The following DIAPH3 variants were observed in gnomAD, a reference collection of about 807,000 sequenced individuals.
DIAPH3 encodes diaphanous related formin 3, also known as protein diaphanous homolog 3.
A neutral mutation model predicts 144.3 loss-of-function variants in DIAPH3; 117 were observed. The observed-to-expected ratio is 0.81, with a 90% CI of 0.70 to 0.95. DIAPH3 has a LOEUF of 0.95. Ranked by LOEUF, DIAPH3 falls within the 40% of genes least tolerant of loss-of-function variation. DIAPH3 has a pLI of 0.00. For missense variants in DIAPH3, 1,421 were observed against 1,412.7 expected (o/e 1.01, Z -0.09); for synonymous variants, 519 against 488.9 (o/e 1.06, Z -0.81).
At chr13:60,024,003 G>A (rs1401819073) in intron 5 of DIAPH3, among the ~76,000 whole-genome samples, 3 of 151,610 alleles carry the variant, frequency 2.0e-5, no homozygotes, top group East Asian at 2.0e-4. Flanking sequence ...CTACAGGCAC[G>A]TGCCACCACG....
At chr13:59,823,642 C>G (rs2041202257) in intron 24 of DIAPH3, among the ~76,000 whole-genome samples, 1 of 152,130 alleles carries the variant, frequency 6.6e-6, no homozygotes, top group Admixed American at 6.6e-5. Context: ...TATAATGAGT[C>G]AATCTACAAG....
At chr13:60,158,026 G>T (rs1952111708) in intron 1 of DIAPH3, among the ~76,000 whole-genome samples, 2 of 152,158 alleles carry the variant, frequency 1.3e-5, no homozygotes, top group Admixed American at 1.3e-4. Flanking sequence ...ACAACTGTGG[G>T]CTTATATTCT....
At chr13:59,933,545 A>C (rs375265213) in intron 17 of DIAPH3, among the ~76,000 whole-genome samples, 2 of 152,158 alleles carry the variant, frequency 1.3e-5, no homozygotes, top group East Asian at 3.9e-4. Context: ...ATAACATGAA[A>C]CTCTGAATCA....
At chr13:59,720,984 A>AT (rs2035315202) in intron 27 of DIAPH3, among the ~76,000 whole-genome samples, 1 of 152,122 alleles carries the variant, frequency 6.6e-6, no homozygotes, top group Non-Finnish European at 1.5e-5. Context: ...AATTTCCATG[A>AT]TTTTTATTTT....
In DIAPH3 at chr13:59,832,947, C is replaced by T. The variant is rs748575196; in HGVS notation, c.3027+160G>A. On this transcript the variant is annotated intron_variant, in intron 24 of 27. Coordinates refer to ENST00000400324, the MANE Select transcript of DIAPH3 (RefSeq NM_001042517.2). ...TGGAAAGGCCAAAAGGAGAACAAAC[C>T]ATACATTTTTCAATAGATTTTTAAA... The T allele has an allele frequency of 2.5e-5, 17 of 672,884 alleles. No homozygotes were observed. The South Asian group carries it at 2.5e-4, about 10-fold the overall frequency. The allele number at this position is 672,884 out of a possible 1,614,324, so 41.7% of individuals were successfully genotyped here. A position where few individuals can be genotyped will look rare whatever the true frequency, so the allele number is the denominator to read the frequency against.
chr13:59,839,988 A>C (rs950038222), intron 22 of DIAPH3, among the ~76,000 whole-genome samples: 2 of 152,152 alleles, frequency 1.3e-5, no homozygotes, highest in African/African-American at 4.8e-5. Flanking sequence ...TGTGTTTATT[A>C]TCTAATAATA....
intron 1 of DIAPH3, among the ~76,000 whole-genome samples, chr13:60,153,719 G>C (rs866449031): frequency 3.9e-5 from 6 of 152,184 alleles, no homozygotes; most frequent in African/African-American, 1.4e-4. Flanking sequence ...TTGGATTGTA[G>C]ATGTAAATCT....
intron 24 of DIAPH3, among the ~76,000 whole-genome samples, chr13:59,831,752 T>C (rs1853133866): frequency 1.3e-5 from 2 of 152,034 alleles, no homozygotes; most frequent in African/African-American, 2.4e-5. Context: ...GGTCTCTTAG[T>C]AGCCAGTCAG....
intron 27 of DIAPH3, among the ~76,000 whole-genome samples, chr13:59,716,793 G>C (rs1407888008): frequency 6.6e-6 from 1 of 152,116 alleles, no homozygotes; most frequent in African/African-American, 2.4e-5. Context: ...GGGTGGGTCT[G>C]ACACAATTAC....
intron 25 of DIAPH3, among the ~76,000 whole-genome samples, chr13:59,789,318 C>T (rs1433082766): frequency 6.6e-6 from 1 of 152,092 alleles, no homozygotes; most frequent in Non-Finnish European, 1.5e-5. Context: ...CACTTGTCAC[C>T]CACAAGAGCT....
At chr13:59,979,486 C>G (rs2050866211) in intron 14 of DIAPH3, among the ~76,000 whole-genome samples, 2 of 151,506 alleles carry the variant, frequency 1.3e-5, no homozygotes, top group Non-Finnish European at 3.0e-5. Flanking sequence ...ATTTGTTTCC[C>G]CCACTAAACT....
intron 5 of DIAPH3, 77 bp downstream of exon 5, chr13:60,042,613 C>T: frequency 6.3e-7 from 1 of 1,577,924 alleles, no homozygotes; most frequent in Non-Finnish European, 8.7e-7. Context: ...GTTTACCAGG[C>T]AAAATGAAAA....
intron 4 of DIAPH3, among the ~76,000 whole-genome samples, chr13:60,060,442 CT>C (rs990719204): frequency 6.6e-6 from 1 of 152,048 alleles, no homozygotes; most frequent in African/African-American, 2.4e-5. Context: ...CAAATATTCT[CT>C]TTTATGATTA....
At chr13:60,097,585 C>T (rs1406307045) in intron 3 of DIAPH3, among the ~76,000 whole-genome samples, 1 of 152,266 alleles carries the variant, frequency 6.6e-6, no homozygotes, top group African/African-American at 2.4e-5. Context: ...AATTATTCAG[C>T]CTCAGGTATT....
intron 5 of DIAPH3, among the ~76,000 whole-genome samples, chr13:60,039,320 T>TC (rs1053427230): frequency 4.0e-5 from 6 of 151,480 alleles, no homozygotes; most frequent in African/African-American, 1.5e-4. Flanking sequence ...CTTTTTTTTT[T>TC]TGAGATAGAG....
At chr13:59,942,479 T>C (rs1287272916) in intron 17 of DIAPH3, among the ~76,000 whole-genome samples, 1 of 152,168 alleles carries the variant, frequency 6.6e-6, no homozygotes, top group Non-Finnish European at 1.5e-5. Context: ...TTCCAGCTAA[T>C]TGCCATATTA....
intron 21 of DIAPH3, among the ~76,000 whole-genome samples, chr13:59,867,266 G>A (rs564018957): frequency 7.3e-5 from 11 of 150,914 alleles, no homozygotes; most frequent in African/African-American, 1.2e-4. Context: ...ACTGCGCTCC[G>A]GCATAGATGA....
chr13:60,025,984 T>C (rs888855390), intron 5 of DIAPH3, among the ~76,000 whole-genome samples: 1 of 152,208 alleles, frequency 6.6e-6, no homozygotes, highest in Non-Finnish European at 1.5e-5. Context: ...GATGCTCATA[T>C]ATCTTAAGTT....
At chr13:60,103,160 G>C (rs1049820256) in intron 3 of DIAPH3, among the ~76,000 whole-genome samples, 2 of 151,872 alleles carry the variant, frequency 1.3e-5, no homozygotes, top group African/African-American at 4.8e-5. Flanking sequence ...AAACCGAGGT[G>C]GGGGGGAAAT....
Sources: allele counts gnomAD v4.1 joint callset (sites outside exome capture counted in the v4.1 genomes callset), GRCh38; gene constraint gnomAD v4.1.1; transcripts MANE v1.5; gene names NCBI Gene and HGNC (gene_info 2026-07-23, HGNC 2026-07-21).